PPP3CA: variants seen among roughly 807,000 people sequenced by gnomAD.
PPP3CA encodes the protein protein phosphatase 3 catalytic subunit alpha, also known as CAM-PRP catalytic subunit.
A neutral mutation model predicts 66.5 loss-of-function variants in PPP3CA; 14 were observed. The observed-to-expected ratio is 0.21, with a 90% CI of 0.14 to 0.33. The LOEUF is 0.33. Ranked by LOEUF, PPP3CA falls within the 10% of genes least tolerant of loss-of-function variation. The pLI is 1.00. For synonymous variants in PPP3CA, 232 were observed against 226.2 expected, an observed-to-expected ratio of 1.03 and a Z score of -0.23; for missense variants, 317 against 639.5, an observed-to-expected ratio of 0.50 and a Z score of 5.44.
At chr4:101,248,956 A>C (rs2850957) in intron 1 of PPP3CA, among the ~76,000 whole-genome samples, 138,073 of 151,002 alleles carry the variant, frequency 0.91, 63,310 homozygotes, top group African/African-American at 0.97. Context: ...GTCAGGAGAT[A>C]GAGACCATCC....
intron 1 of PPP3CA, among the ~76,000 whole-genome samples, chr4:101,198,889 A>AG (rs1030472538): frequency 2.0e-5 from 3 of 152,078 alleles, no homozygotes; most frequent in Non-Finnish European, 4.4e-5. Flanking sequence ...CCAAATAAAC[A>AG]GGGGGGACAA....
intron 3 of PPP3CA, among the ~76,000 whole-genome samples, chr4:101,106,576 C>T (rs530564822): frequency 3.3e-5 from 5 of 151,856 alleles, no homozygotes; most frequent in Non-Finnish European, 5.9e-5. Flanking sequence ...CCTTGTCCTC[C>T]CATTGCTGTT....
chr4:101,035,651 T>A (rs1727209194), intron 11 of PPP3CA, among the ~76,000 whole-genome samples: 2 of 152,160 alleles, frequency 1.3e-5, no homozygotes, highest in South Asian at 4.2e-4. Flanking sequence ...GATGGTCATT[T>A]TCCTTCCTTC....
intron 1 of PPP3CA, among the ~76,000 whole-genome samples, chr4:101,272,934 G>T (rs931732151): frequency 1.3e-5 from 2 of 152,156 alleles, no homozygotes; most frequent in Non-Finnish European, 2.9e-5. Context: ...AGGTAAGAAC[G>T]AAAAGCTAAC....
At chr4:101,337,766 C>T (rs6817805) in intron 1 of PPP3CA, among the ~76,000 whole-genome samples, 18,724 of 152,110 alleles carry the variant, frequency 0.12, 3,757 homozygotes, top group African/African-American at 0.42. Context: ...TCTGGGGTAG[C>T]GCAGCTTTAG....
At chr4:101,283,898 C>T (rs2850349) in intron 1 of PPP3CA, among the ~76,000 whole-genome samples, 47,756 of 152,052 alleles carry the variant, frequency 0.31, 10,463 homozygotes, top group African/African-American at 0.59. Context: ...TCAAGACCGA[C>T]GTTTCGGTTA....
At chr4:101,288,924 C>G (rs910907987) in intron 1 of PPP3CA, among the ~76,000 whole-genome samples, 1 of 151,802 alleles carries the variant, frequency 6.6e-6, no homozygotes, top group South Asian at 2.1e-4. Flanking sequence ...CTTTTTGATT[C>G]GAAACATTTC....
intron 11 of PPP3CA, among the ~76,000 whole-genome samples, chr4:101,032,778 C>T (rs904868452): frequency 1.4e-4 from 21 of 151,410 alleles, no homozygotes; most frequent in Non-Finnish European, 2.2e-4. Context: ...TTTGATTTGA[C>T]GGAATAAAAA....
In PPP3CA at chr4:101,024,452, G is replaced by T. The variant is rs1481334902; in HGVS notation, c.*1413C>A. On this transcript the variant is annotated 3_prime_UTR_variant, in exon 14 of 14. Coordinates refer to ENST00000394854, the MANE Select transcript of PPP3CA (RefSeq NM_000944.5). ...TACAAAGGCAAGGCTTTAGGCTGTAGTGAATTACTTGGGCACTTATACAAT... is the reference window on the plus strand; with the variant it reads ...TACAAAGGCAAGGCTTTAGGCTGTATTGAATTACTTGGGCACTTATACAAT... 1 of 152,644 alleles carries T rather than the reference G, an allele frequency of 6.6e-6. No homozygotes were observed. The highest frequency in any genetic ancestry group is 1.9e-4 in the East Asian group (1 of 5,204). The allele number at this position is 152,644 out of a possible 1,614,324, so 9.5% of individuals were successfully genotyped here.
At chr4:101,220,187 T>C (rs1725579869) in intron 1 of PPP3CA, among the ~76,000 whole-genome samples, 1 of 151,784 alleles carries the variant, frequency 6.6e-6, no homozygotes, top group Admixed American at 6.6e-5. Flanking sequence ...GCCTACTTTT[T>C]ATAAAAGATG....
At chr4:101,199,380 G>C (rs1369788296) in intron 1 of PPP3CA, among the ~76,000 whole-genome samples, 1 of 152,184 alleles carries the variant, frequency 6.6e-6, no homozygotes, top group Non-Finnish European at 1.5e-5. Context: ...ACATGAGCAG[G>C]CCAGGACTAG....
chr4:101,211,145 C>T (rs762656114), intron 1 of PPP3CA, among the ~76,000 whole-genome samples: 3 of 152,186 alleles, frequency 2.0e-5, no homozygotes, highest in South Asian at 2.1e-4. Context: ...TTGCCAAGAT[C>T]GCACAGCAAA....
chr4:101,168,796 C>G (rs1203876820), intron 2 of PPP3CA, among the ~76,000 whole-genome samples: 1 of 152,134 alleles, frequency 6.6e-6, no homozygotes. Context: ...TTTTTAGGAG[C>G]TATGCCATAC....
intron 2 of PPP3CA, 152 bp from the exon 3 acceptor site, chr4:101,109,230 G>T: frequency 8.2e-6 from 6 of 731,430 alleles, no homozygotes; most frequent in Admixed American, 3.6e-5. Context: ...GAAAAGCTAA[G>T]TATTTTGCTC....
chr4:101,156,219 T>C (rs1226560333), intron 2 of PPP3CA, among the ~76,000 whole-genome samples: 1 of 152,180 alleles, frequency 6.6e-6, no homozygotes, highest in Non-Finnish European at 1.5e-5. Flanking sequence ...CCTCACTCTG[T>C]AACAGAGGGT....
At chr4:101,304,248 A>G (rs939893439) in intron 1 of PPP3CA, among the ~76,000 whole-genome samples, 2 of 152,118 alleles carry the variant, frequency 1.3e-5, no homozygotes, top group Admixed American at 6.5e-5. Context: ...TATTTGTGCT[A>G]TTACTATACT....
intron 1 of PPP3CA, among the ~76,000 whole-genome samples, chr4:101,281,128 C>T (rs2850976): frequency 0.31 from 47,629 of 152,036 alleles, 10,448 homozygotes; most frequent in African/African-American, 0.59. Context: ...GCTATTCAAC[C>T]TGACAACACT....
chr4:101,065,750 T>C (rs1274107513), intron 8 of PPP3CA, among the ~76,000 whole-genome samples: 2 of 152,090 alleles, frequency 1.3e-5, no homozygotes, highest in Non-Finnish European at 2.9e-5. Context: ...TGAATATGGA[T>C]TTCATAATTA....
At chr4:101,132,088 G>C (rs888288510) in intron 2 of PPP3CA, among the ~76,000 whole-genome samples, 7 of 152,194 alleles carry the variant, frequency 4.6e-5, no homozygotes, top group African/African-American at 1.4e-4. Flanking sequence ...AGATTCTCTG[G>C]GACACAGCTA....
Sources: gnomAD v4.1 joint callset for allele counts (sites outside exome capture counted in the v4.1 genomes callset) on GRCh38, gnomAD v4.1.1 for gene constraint, MANE v1.5 for transcripts, NCBI Gene and HGNC (gene_info 2026-07-23, HGNC 2026-07-21) for gene names.